NBPF12: variants seen among roughly 807,000 people sequenced by gnomAD.
NBPF12 encodes NBPF family member NBPF12.
In NBPF12, 115 loss-of-function variants were observed where a neutral mutation model predicts 146.4. The ratio of observed to expected loss-of-function variants is 0.79; its 90% CI spans 0.68 to 0.92. NBPF12 has a LOEUF of 0.92. Among genes scored for constraint, NBPF12 ranks in the 40% least tolerant of loss-of-function variants. NBPF12 has a pLI of 0.00. For synonymous variants in NBPF12, 385 were observed against 508.9 expected (o/e 0.76, Z 3.28); for missense variants, 1,205 against 1,326.8 (o/e 0.91, Z 1.43).
chr1:146,954,448 C>A (rs1247300282), intron 2 of NBPF12, among the ~76,000 whole-genome samples: 35 of 117,216 alleles, frequency 3.0e-4, no homozygotes, highest in East Asian at 1.8e-3. Context: ...GGCCAGTACA[C>A]CAAAAACTAC....
At position 146,965,043 on chromosome 1, in the gene NBPF12, T is replaced by A. The variant is rs1656100688; in HGVS notation, c.717T>A (p.Thr239=). ...TTGAGGAAGACAAAGTCAACTCAAC[T>A]GTGGTTGTAGACAGAAAATCCTCTC... Residue 239 remains threonine (T), a synonymous_variant, in exon 8 of 34, where the codon ACT becomes ACA. Coordinates refer to ENST00000617844, the Ensembl canonical transcript of NBPF12. The A allele has an allele frequency of 4.4e-6, 7 of 1,608,632 alleles. No individual in the cohort carries two copies. In the African/African-American group the frequency reaches 5.6e-5, roughly 13 times the overall value.
intron 1 of NBPF12, among the ~76,000 whole-genome samples, chr1:146,950,964 T>C (rs1655300490): frequency 6.6e-6 from 1 of 152,132 alleles, no homozygotes; most frequent in Admixed American, 6.5e-5. Flanking sequence ...AGTTGTTTAG[T>C]TCTGTAAGAA....
At chr1:146,964,968 C>A (rs2101855827) in exon 8 of NBPF12, 3 of 1,606,412 alleles carry the variant, frequency 1.9e-6, no homozygotes, top group East Asian at 4.5e-5. Flanking sequence ...GTTCAAATAG[C>A]CACGGCCCTT....
At chr1:146,965,709 A>G (rs1404113276) in intron 8 of NBPF12, among the ~76,000 whole-genome samples, 1 of 142,822 alleles carries the variant, frequency 7.0e-6, no homozygotes, top group African/African-American at 2.6e-5. Context: ...GGAGAATGGC[A>G]TGAACCCAGG....
At chr1:146,973,562 A>G (rs1209313314) in intron 14 of NBPF12, among the ~76,000 whole-genome samples, 23,850 of 94,072 alleles carry the variant, frequency 0.25, 1,743 homozygotes, top group Admixed American at 0.39. Context: ...GGCTGAGGCG[A>G]GTAGAGCACG....
chr1:146,960,139 T>G lies in NBPF12; in HGVS notation c.-5T>G. On this transcript the variant is annotated 5_prime_UTR_variant, in exon 4 of 34. Transcript: ENST00000617844. Reference sequence around the variant, plus strand: ...GACTCCACCTCTTCTGCCACAAACGTCAGCATGGTGGTATCAGCCGGCCCT... The same window carrying G: ...GACTCCACCTCTTCTGCCACAAACGGCAGCATGGTGGTATCAGCCGGCCCT... 3 of 595,648 alleles carry G rather than the reference T, an allele frequency of 5.0e-6. No individual in the cohort carries two copies. The South Asian group carries it at 5.7e-5, about 11-fold the overall frequency. 36.9% of individuals were successfully genotyped at this position (595,648 alleles called of 1,614,324 possible).
chr1:146,948,086 C>A (rs1225478474), upstream of NBPF12, among the ~76,000 whole-genome samples: 1 of 151,996 alleles, frequency 6.6e-6, no homozygotes, highest in Admixed American at 6.6e-5. Flanking sequence ...TCTCAGCTCA[C>A]TGCAACCTCC....
chr1:146,961,044 G>A (rs1655815398), intron 4 of NBPF12, among the ~76,000 whole-genome samples: 1 of 152,018 alleles, frequency 6.6e-6, no homozygotes, highest in South Asian at 2.1e-4. Flanking sequence ...TAATCGGGTG[G>A]CTGAGGCAGA....
chr1:146,964,284 T>A lies in NBPF12; in HGVS notation c.494-73T>A, dbSNP rs1331381481. On this transcript the variant is annotated intron_variant, in intron 6 of 33. Coordinates refer to ENST00000617844, the Ensembl canonical transcript of NBPF12. ...AACCATACATAGATGTTCATGTCTC[T>A]GTGCACGTTGGGCTGACTGTGCTTG... 3.8e-6 allele frequency: 6 copies of A among 1,587,080 alleles called. No individual in the cohort carries two copies. In the East Asian group the frequency reaches 1.3e-4, roughly 35 times the overall value.
upstream of NBPF12, among the ~76,000 whole-genome samples, chr1:146,947,932 A>T (rs1283441819): frequency 5.9e-5 from 9 of 151,986 alleles, no homozygotes; most frequent in Non-Finnish European, 5.9e-5. Context: ...GGAATTTTTT[A>T]AAATCTGCTA....
At chr1:146,972,276 C>A (rs1307914372) in intron 13 of NBPF12, among the ~76,000 whole-genome samples, 19 of 150,904 alleles carry the variant, frequency 1.3e-4, no homozygotes, top group Non-Finnish European at 2.1e-4. Context: ...CGCTTGTAAT[C>A]CCAGATGCTT....
chr1:146,962,289 A>T, intron 5 of NBPF12, 26 bp downstream of exon 8: 1 of 1,577,172 alleles, frequency 6.3e-7, no homozygotes, highest in Non-Finnish European at 8.6e-7. Context: ...GGGGGGAGGC[A>T]GGCGGGTAGG....
intron 18 of NBPF12, among the ~76,000 whole-genome samples, chr1:146,978,385 C>T (rs1469451883): frequency 1.4e-5 from 2 of 146,330 alleles, no homozygotes; most frequent in African/African-American, 5.1e-5. Flanking sequence ...CTGCCTCAGC[C>T]TCCTGAGTTG....
intron 25 of NBPF12, among the ~76,000 whole-genome samples, chr1:146,987,745 G>GTGTT (rs1657878674): frequency 6.6e-6 from 1 of 152,048 alleles, no homozygotes; most frequent in Admixed American, 6.5e-5. Context: ...GTGTGTGTGT[G>GTGTT]TGTGTGTGTG....
chr1:146,951,487 A>C, exon 2 of NBPF12: 1 of 639,350 alleles, frequency 1.6e-6, no homozygotes, highest in Non-Finnish European at 2.8e-6. Context: ...CCTATGGATC[A>C]AGGTGCGTAC....
intron 31 of NBPF12, among the ~76,000 whole-genome samples, chr1:146,992,434 TTCTCTCTC>T (rs139645973): frequency 1.1e-4 from 9 of 81,534 alleles, no homozygotes; most frequent in African/African-American, 3.0e-4. Flanking sequence ...ACTGAGCTCG[TTCTCTCTC>T]TCTCTCTCTC....
At chr1:146,984,750 A>G in intron 21 of NBPF12, 63 bp from the exon 25 acceptor site, 1 of 821,794 alleles carries the variant, frequency 1.2e-6, no homozygotes, top group Non-Finnish European at 2.2e-6. Flanking sequence ...CATGAAATCT[A>G]GCTGGGGCTG....
intron 10 of NBPF12, 36 bp downstream of exon 13, chr1:146,968,586 G>A (rs1553885935): frequency 6.5e-6 from 10 of 1,547,214 alleles, no homozygotes; most frequent in African/African-American, 1.4e-5. Flanking sequence ...AGGGGGGCAG[G>A]TGTGTAAATC....
At chr1:146,967,390 G>T (rs1448272787) in intron 9 of NBPF12, among the ~76,000 whole-genome samples, 1 of 150,920 alleles carries the variant, frequency 6.6e-6, no homozygotes, top group Non-Finnish European at 1.5e-5. Context: ...AATCACTCCT[G>T]CTCAGGAGGC....
Sources: gnomAD v4.1 joint callset for allele counts (sites outside exome capture counted in the v4.1 genomes callset) on GRCh38, gnomAD v4.1.1 for gene constraint, MANE v1.5 for transcripts, NCBI Gene and HGNC (gene_info 2026-07-23, HGNC 2026-07-21) for gene names.